DYM: variants seen among roughly 807,000 people sequenced by gnomAD.
The protein encoded by DYM is dyggve-Melchior-Clausen syndrome protein.
Under a neutral mutation model 93.1 loss-of-function variants are expected in DYM, and 78 were observed. That is an observed-to-expected ratio of 0.84 (90% CI 0.70 to 1.01). The LOEUF (loss-of-function observed/expected upper bound fraction) is 1.01. Ranked by LOEUF, DYM falls within the 50% of genes least tolerant of loss-of-function variation. The pLI, the probability that DYM is intolerant of heterozygous loss-of-function variation, is 0.00. For missense variants in DYM, 789 were observed against 845.0 expected (o/e 0.93, Z 0.82); for synonymous variants, 321 against 319.7 (o/e 1.00, Z -0.04).
intron 6 of DYM, among the ~76,000 whole-genome samples, chr18:49,339,863 G>A (rs555155624): frequency 9.2e-5 from 14 of 152,310 alleles, no homozygotes; most frequent in African/African-American, 3.4e-4. Flanking sequence ...GAGGCAATCC[G>A]GGTATAACCG....
chr18:49,219,434 C>G (rs1261209904), intron 13 of DYM, among the ~76,000 whole-genome samples: 2 of 152,198 alleles, frequency 1.3e-5, no homozygotes, highest in East Asian at 3.9e-4. Flanking sequence ...GATACCAAAG[C>G]CTGGCAGAGA....
At chr18:49,090,551 AG>A (rs2078950573) in intron 17 of DYM, among the ~76,000 whole-genome samples, 2 of 152,230 alleles carry the variant, frequency 1.3e-5, no homozygotes. Flanking sequence ...GGACGGTGTC[AG>A]GCACTCGGTC....
At chr18:49,418,558 G>T (rs1393394676) in intron 2 of DYM, among the ~76,000 whole-genome samples, 2 of 152,146 alleles carry the variant, frequency 1.3e-5, no homozygotes, top group African/African-American at 4.8e-5. Flanking sequence ...AGTAAGGAAG[G>T]ATTAGATTCG....
intron 15 of DYM, among the ~76,000 whole-genome samples, chr18:49,154,934 G>A (rs1041163096): frequency 6.6e-6 from 1 of 152,110 alleles, no homozygotes; most frequent in African/African-American, 2.4e-5. Flanking sequence ...AAGCATACAT[G>A]TATGTATAAA....
At chr18:49,404,804 G>A (rs1001833840) in intron 2 of DYM, among the ~76,000 whole-genome samples, 10 of 152,124 alleles carry the variant, frequency 6.6e-5, no homozygotes, top group Admixed American at 6.5e-4. Flanking sequence ...TGAATCACGA[G>A]GTCAGGAGTT....
intron 3 of DYM, among the ~76,000 whole-genome samples, chr18:49,384,540 G>A (rs1224442080): frequency 6.6e-6 from 1 of 150,856 alleles, no homozygotes; most frequent in African/African-American, 2.4e-5. Flanking sequence ...GTGGGACAAT[G>A]GCTTGAACCC....
intron 15 of DYM, among the ~76,000 whole-genome samples, chr18:49,136,428 G>GT (rs2083856890): frequency 6.6e-6 from 1 of 151,826 alleles, no homozygotes; most frequent in Non-Finnish European, 1.5e-5. Flanking sequence ...CTATTTTTGT[G>GT]TTTTTATAAT....
chr18:49,266,426 G>A (rs1400252066), intron 11 of DYM, among the ~76,000 whole-genome samples: 1 of 152,062 alleles, frequency 6.6e-6, no homozygotes, highest in East Asian at 1.9e-4. Flanking sequence ...GACCAGCCTG[G>A]GCAACATGGC....
chr18:49,251,030 C>A (rs1007434305), intron 13 of DYM, among the ~76,000 whole-genome samples: 1 of 152,204 alleles, frequency 6.6e-6, no homozygotes, highest in African/African-American at 2.4e-5. Flanking sequence ...TCTCTGGCCT[C>A]TACCCACTAG....
At chr18:49,178,049 TA>T (rs2089570138) in intron 14 of DYM, among the ~76,000 whole-genome samples, 1 of 152,104 alleles carries the variant, frequency 6.6e-6, no homozygotes, top group South Asian at 2.1e-4. Flanking sequence ...TCTTAATACA[TA>T]AACCGAAACC....
Position 49,384,924 on chromosome 18 carries a change from G to GA in DYM, c.194-5167dup, listed in dbSNP as rs1028114737. Among the ~76,000 whole-genome samples, 622 of 137,070 alleles carry GA rather than the reference G, an allele frequency of 4.5e-3. 9 individuals are homozygous for GA. Among genetic ancestry groups the GA allele is most frequent in the African/African-American group, 0.015 (550 of 37,492 alleles). 89.9% of individuals were successfully genotyped at this position (137,070 alleles called of 152,430 possible). A position where few individuals can be genotyped will look rare whatever the true frequency, so the allele number is the denominator to read the frequency against. On this transcript the variant is annotated intron_variant, in intron 3 of 17. Transcript: ENST00000675505. The stretch of plus-strand genomic sequence containing the variant: ...AAAATCAGAGCCATAATGAAAAAAA[G>GA]AAAAAAAAAAACCTTCTGAACTGAA...
intron 17 of DYM, among the ~76,000 whole-genome samples, chr18:49,071,493 C>T (rs901942075): frequency 3.3e-5 from 5 of 152,196 alleles, no homozygotes; most frequent in Non-Finnish European, 5.9e-5. Context: ...ACAGAGAAGA[C>T]GATTCATTCA....
rs1183883442 is a variant in DYM at position 49,220,646 on chromosome 18, C to A, written c.1461-10931G>T. ...CGTTGACAAACCTGAGAAAAACAAT[C>A]AATGGGGAAAGGATTCCCTATTTAA... On this transcript the variant is annotated intron_variant, in intron 13 of 17. Coordinates refer to ENST00000675505, the MANE Select transcript of DYM (RefSeq NM_001353214.3). Among the ~76,000 whole-genome samples the A allele has an allele frequency of 4.6e-5, 7 of 152,246 alleles. No individual in the cohort carries two copies. The East Asian group carries it at 9.6e-4, about 21-fold the overall frequency.
At chr18:49,388,845 A>G (rs2068886041) in intron 3 of DYM, among the ~76,000 whole-genome samples, 2 of 151,678 alleles carry the variant, frequency 1.3e-5, no homozygotes, top group South Asian at 2.1e-4. Flanking sequence ...ATTAACGTCT[A>G]TCTAAAATTC....
intron 17 of DYM, among the ~76,000 whole-genome samples, chr18:49,058,332 TC>T (rs1568353745): frequency 2.0e-5 from 3 of 151,490 alleles, no homozygotes; most frequent in African/African-American, 7.3e-5. Context: ...TTTTTTTTTT[TC>T]CTCAGAGGCA....
At chr18:49,198,623 A>C (rs2091714140) in intron 14 of DYM, among the ~76,000 whole-genome samples, 1 of 152,098 alleles carries the variant, frequency 6.6e-6, no homozygotes, top group African/African-American at 2.4e-5. Flanking sequence ...AGACACATGA[A>C]AAAATGCTCA....
At chr18:49,402,686 G>A (rs887209423) in intron 2 of DYM, among the ~76,000 whole-genome samples, 11 of 152,086 alleles carry the variant, frequency 7.2e-5, no homozygotes, top group Admixed American at 2.0e-4. Context: ...AATATGGAAC[G>A]TCTCTGCACC....
intron 15 of DYM, among the ~76,000 whole-genome samples, chr18:49,125,353 A>C: frequency 6.6e-6 from 1 of 152,198 alleles, no homozygotes; most frequent in Non-Finnish European, 1.5e-5. Flanking sequence ...CCAGGCGTGA[A>C]ATTCCAAATA....
rs2076370549 is a variant in DYM, at chr18:49,066,141, AAAAC to A, written c.2026-21941_2026-21938del. Among the ~76,000 whole-genome samples the A allele has an allele frequency of 3.0e-4, 45 of 151,898 alleles. 1 individual carries two copies. Among genetic ancestry groups the A allele is most frequent in the Admixed American group, 2.9e-3 (45 of 15,278 alleles). On this transcript the variant is annotated intron_variant, in intron 17 of 17. Coordinates refer to ENST00000675505, the MANE Select transcript of DYM (RefSeq NM_001353214.3). ...TAATCGCGTTTTTTGCCATATAGCA[AAAAC>A]CACGATTACTTTTGCACCAACCTAT...
Sources: gnomAD v4.1 joint callset for allele counts (sites outside exome capture counted in the v4.1 genomes callset) on GRCh38, gnomAD v4.1.1 for gene constraint, MANE v1.5 for transcripts, NCBI Gene and HGNC (gene_info 2026-07-23, HGNC 2026-07-21) for gene names.